The following TMEM266 variants were observed in gnomAD, a reference collection of about 807,000 sequenced individuals.
TMEM266 encodes Hv1 related protein 1.
A neutral mutation model predicts 50.5 loss-of-function variants in TMEM266; 33 were observed. That is an observed-to-expected ratio of 0.65 (90% CI 0.50 to 0.87). The LOEUF is 0.87. TMEM266 is among the 40% of genes least tolerant of loss of function. The probability of loss-of-function intolerance (pLI) is 0.00; values close to 1 mark genes in which losing one functional copy is unlikely to be tolerated. For missense variants in TMEM266, 655 were observed against 695.1 expected (o/e 0.94, Z 0.65); for synonymous variants, 310 against 292.3 (o/e 1.06, Z -0.62).
chr15:76,074,776 G>A (rs971956266), intron 1 of TMEM266, among the ~76,000 whole-genome samples: 1 of 152,098 alleles, frequency 6.6e-6, no homozygotes, highest in Non-Finnish European at 1.5e-5. Flanking sequence ...GGAGGAGACA[G>A]AAAGGCACTT....
At chr15:76,102,101 A>T (rs1394172254) in intron 1 of TMEM266, among the ~76,000 whole-genome samples, 1 of 152,094 alleles carries the variant, frequency 6.6e-6, no homozygotes, top group African/African-American at 2.4e-5. Context: ...GGCCCCTAAC[A>T]TTATGTCCCC....
Position 76,204,213 on chromosome 15 carries a change from C to T in TMEM266, c.1494C>T (p.Ile498=). 1 of 1,613,990 alleles carries T rather than the reference C, an allele frequency of 6.2e-7. No homozygotes were observed. Among genetic ancestry groups the T allele is most frequent in the Non-Finnish European group, 8.5e-7 (1 of 1,180,012 alleles). Reference sequence around the variant, plus strand: ...AGGAGGGCTTCACTGTCTTTCAGATCAGGCCTGTCATCCACTTCCAGCCCA... The same window carrying T: ...AGGAGGGCTTCACTGTCTTTCAGATTAGGCCTGTCATCCACTTCCAGCCCA... The change falls in exon 11 of 11, where the codon ATC becomes ATT. Residue 498 remains isoleucine (I), a synonymous_variant. Transcript: ENST00000388942.
chr15:76,063,409 T>A (rs1272545593), intron 1 of TMEM266, among the ~76,000 whole-genome samples: 1 of 152,170 alleles, frequency 6.6e-6, no homozygotes, highest in African/African-American at 2.4e-5. Flanking sequence ...TGGCCTCCCA[T>A]CCTATTCTGC....
intron 6 of TMEM266, 119 bp downstream of exon 6, chr15:76,169,991 G>T: frequency 9.8e-7 from 1 of 1,020,898 alleles, no homozygotes; most frequent in Non-Finnish European, 1.5e-6. Context: ...TCTCCCACTT[G>T]ACCTCTGTGG....
chr15:76,062,768 G>A (rs2935983), intron 1 of TMEM266, among the ~76,000 whole-genome samples: 6,042 of 152,210 alleles, frequency 0.04, 422 homozygotes, highest in African/African-American at 0.14. Context: ...AAATATAAAA[G>A]TGTTTCTGGA....
At chr15:76,144,767 T>A (rs575686403) in intron 3 of TMEM266, among the ~76,000 whole-genome samples, 4 of 151,996 alleles carry the variant, frequency 2.6e-5, no homozygotes, top group Non-Finnish European at 4.4e-5. Context: ...ACAAAAACCT[T>A]CATGCGTGTC....
At chr15:76,192,291 G>T in intron 9 of TMEM266, 134 bp downstream of exon 9, 1 of 830,226 alleles carries the variant, frequency 1.2e-6, no homozygotes, top group Non-Finnish European at 1.7e-6. Flanking sequence ...ACTCGTGATT[G>T]GGGGACACGC....
At chr15:76,181,876 C>T (rs2456054) in intron 8 of TMEM266, among the ~76,000 whole-genome samples, 19,622 of 152,158 alleles carry the variant, frequency 0.13, 1,460 homozygotes, top group African/African-American at 0.2. Context: ...CCGTTACACC[C>T]GCTCTTTCAT....
chr15:76,146,600 G>T (rs1004146405), intron 3 of TMEM266, among the ~76,000 whole-genome samples: 19 of 152,162 alleles, frequency 1.2e-4, no homozygotes, highest in Admixed American at 8.5e-4. Flanking sequence ...GGGATTTCAG[G>T]TTAGAAAAAT....
chr15:76,120,748 AAG>A, intron 1 of TMEM266, among the ~76,000 whole-genome samples: 1 of 145,354 alleles, frequency 6.9e-6, no homozygotes. Flanking sequence ...GTTACAGAGC[AAG>A]ACTGTCTCAA....
At chr15:76,084,586 GGGTTTTTTTT>G (rs1184853348) in intron 1 of TMEM266, among the ~76,000 whole-genome samples, 3 of 141,904 alleles carry the variant, frequency 2.1e-5, no homozygotes, top group Non-Finnish European at 3.1e-5. Flanking sequence ...CCAGAGATGA[GGGTTTTTTTT>G]GGTTTTTTTT....
chr15:76,175,674 G>C lies in TMEM266; in HGVS notation c.768G>C (p.Gly256=), dbSNP rs897889853. 1 of 1,612,752 alleles carries C rather than the reference G, an allele frequency of 6.2e-7. No individual in the cohort carries two copies. Among genetic ancestry groups the C allele is most frequent in the African/African-American group, 1.3e-5 (1 of 74,902 alleles). ...TGACGCAGATCTGTCAGGAGCAAGG[G>C]GTAATGCACTGCCACTTTCGGCTCT... The change falls in exon 8 of 11, where the codon GGG becomes GGC. Residue 256 remains glycine, a splice_region_variant and synonymous_variant. Coordinates refer to ENST00000388942, the MANE Select transcript of TMEM266 (RefSeq NM_152335.3).
intron 1 of TMEM266, among the ~76,000 whole-genome samples, chr15:76,070,160 C>T (rs1483763782): frequency 2.0e-5 from 3 of 152,014 alleles, no homozygotes; most frequent in Admixed American, 6.6e-5. Flanking sequence ...AGGGCTTGTC[C>T]GGCTGCTCAG....
At chr15:76,062,274 T>A (rs1035384354) in intron 1 of TMEM266, among the ~76,000 whole-genome samples, 2 of 152,224 alleles carry the variant, frequency 1.3e-5, no homozygotes, top group African/African-American at 4.8e-5. Flanking sequence ...ATGAATAATA[T>A]TAAGTAGGAA....
intron 1 of TMEM266, among the ~76,000 whole-genome samples, chr15:76,104,653 C>T (rs2037055075): frequency 6.6e-6 from 1 of 151,728 alleles, no homozygotes; most frequent in Non-Finnish European, 1.5e-5. Flanking sequence ...GACGGGGGAG[C>T]ATGTGGAGGT....
Position 76,171,151 on chromosome 15 carries a change from T to A in TMEM266, c.652+20T>A, listed in dbSNP as rs2038182226. 1 of 1,610,164 alleles carries A rather than the reference T, an allele frequency of 6.2e-7. No individual in the cohort carries two copies. The highest frequency in any genetic ancestry group is 8.5e-7 in the Non-Finnish European group (1 of 1,178,064). On this transcript the variant is annotated intron_variant, in intron 7 of 10. Transcript: ENST00000388942. Reference sequence around the variant, plus strand: ...TTGATGGTGAGTGGCCCGAGGGGGGTGTGGTCAGTGGGGCTGCTCCAGAAA... The same window carrying A: ...TTGATGGTGAGTGGCCCGAGGGGGGAGTGGTCAGTGGGGCTGCTCCAGAAA...
In TMEM266 at chr15:76,203,821, C is replaced by G. The variant is rs141364961; in HGVS notation, c.1102C>G (p.Leu368Val). 1.9e-6 allele frequency: 3 copies of G among 1,614,232 alleles called. No individual in the cohort carries two copies. The highest frequency in any genetic ancestry group is 1.7e-6 in the Non-Finnish European group (2 of 1,180,022). ...TCACCAGCCCAACATCTCCTCGGAC[C>G]TCTTCTCTCTGGACATGCCCCTCAA... Residue 368 changes from leucine (L) to valine (V), a missense_variant, in exon 11 of 11, where the codon CTC becomes GTC. By Grantham distance (32) the Leu-to-Val change is conservative (BLOSUM62 1). Around this residue, in one of 3 missense-constraint regions of TMEM266, gnomAD observed 455 missense variants for 401.8 expected, o/e 1.13. Coordinates refer to ENST00000388942, the MANE Select transcript of TMEM266 (RefSeq NM_152335.3).
chr15:76,078,464 G>A (rs1257686177), intron 1 of TMEM266, among the ~76,000 whole-genome samples: 1 of 151,126 alleles, frequency 6.6e-6, no homozygotes, highest in African/African-American at 2.5e-5. Flanking sequence ...TCAACCTTGA[G>A]TCTGACAAAA....
In TMEM266 at chr15:76,203,784, C is replaced by A. The variant is rs761854726; in HGVS notation, c.1065C>A (p.Ala355=). 1 of 1,614,138 alleles carries A rather than the reference C, an allele frequency of 6.2e-7. No individual in the cohort carries two copies. The highest frequency in any genetic ancestry group is 2.2e-5 in the East Asian group (1 of 44,886). The change falls in exon 11 of 11, where the codon GCC becomes GCA. Residue 355 remains alanine, a synonymous_variant. Transcript: ENST00000388942. Reference sequence around the variant, plus strand: ...CAGCTGTGTGTATGGTCACCACGGCCGCAATAGACATTCACCAGCCCAACA... The same window carrying A: ...CAGCTGTGTGTATGGTCACCACGGCAGCAATAGACATTCACCAGCCCAACA...
Sources: gnomAD v4.1 joint callset for allele counts (sites outside exome capture counted in the v4.1 genomes callset) on GRCh38, gnomAD v4.1.1 for gene constraint, gnomAD v4.1.1 regional missense constraint, MANE v1.5 for transcripts, NCBI Gene and HGNC (gene_info 2026-07-23, HGNC 2026-07-21) for gene names.